The following GLT1D1 variants were observed in gnomAD, a reference collection of about 807,000 sequenced individuals.
The protein encoded by GLT1D1 is glycosyltransferase 1 domain containing 1.
GLT1D1 carries 21 observed loss-of-function variants against 28.7 expected under a neutral mutation model. That is an observed-to-expected ratio of 0.73 (90% confidence interval 0.52 to 1.05). The LOEUF (loss-of-function observed/expected upper bound fraction) is 1.05, where lower values mean the gene tolerates loss of function less well. Among genes scored for constraint, GLT1D1 ranks in the 50% least tolerant of loss-of-function variants. GLT1D1 has a pLI of 0.00. For missense variants in GLT1D1, 343 were observed against 330.6 expected (o/e 1.04, Z -0.29); for synonymous variants, 147 against 124.8 (o/e 1.18, Z -1.19).
intron 4 of GLT1D1, among the ~76,000 whole-genome samples, chr12:128,933,997 ATC>A (rs903029209): frequency 6.6e-6 from 1 of 152,042 alleles, no homozygotes; most frequent in African/African-American, 2.4e-5. Context: ...AACACCCTGA[ATC>A]TCACCACTAT....
intron 4 of GLT1D1, among the ~76,000 whole-genome samples, chr12:128,932,744 C>CA (rs1216916982): frequency 2.6e-5 from 4 of 152,098 alleles, no homozygotes; most frequent in African/African-American, 9.7e-5. Flanking sequence ...TCTTCAGCCT[C>CA]GGGGGGCCTT....
At position 128,961,899 on chromosome 12, in the gene GLT1D1, CT is replaced by C. The variant is rs111400462; in HGVS notation, c.639+4265del. On this transcript the variant is annotated intron_variant, in intron 7 of 7. Coordinates refer to ENST00000281703, the MANE Select transcript of GLT1D1 (RefSeq NM_144669.3). ...CCAACAAAAGGAACAGAAATGTGAC[CT>C]TTTTTTTTGAAACCATAACACTCAC... 4.0e-5 allele frequency among the ~76,000 whole-genome samples: 6 copies of C among 151,746 alleles called. No individual in the cohort carries two copies. The South Asian group carries it at 8.4e-4, about 21-fold the overall frequency.
At position 128,949,821 on chromosome 12, in the gene GLT1D1, CAT is replaced by C. The variant is rs552320277; in HGVS notation, c.540+2364_540+2365del. 1.3e-4 allele frequency among the ~76,000 whole-genome samples: 19 copies of C among 151,858 alleles called. No homozygotes were observed. In the South Asian group the frequency reaches 3.5e-3, roughly 28 times the overall value. Reference sequence around the variant, plus strand: ...ACCTACAGATGCATGCATGCACACACATGTACACACGCACATGCACACGCACG... The same window carrying C: ...ACCTACAGATGCATGCATGCACACACGTACACACGCACATGCACACGCACG... On this transcript the variant is annotated intron_variant, in intron 6 of 7. Transcript: ENST00000281703.
chr12:128,927,864 G>A (rs1369967804), intron 4 of GLT1D1, among the ~76,000 whole-genome samples: 4 of 151,278 alleles, frequency 2.6e-5, no homozygotes, highest in Admixed American at 1.3e-4. Context: ...GCTGGGCATC[G>A]TGGTGGGTGC....
chr12:128,915,556 G>A (rs1056045647), intron 4 of GLT1D1, among the ~76,000 whole-genome samples: 1 of 151,906 alleles, frequency 6.6e-6, no homozygotes, highest in African/African-American at 2.4e-5. Flanking sequence ...ATGGAGACGG[G>A]GTTTTGCCGT....
chr12:128,918,227 A>G (rs1872301908), intron 4 of GLT1D1, among the ~76,000 whole-genome samples: 1 of 152,206 alleles, frequency 6.6e-6, no homozygotes, highest in African/African-American at 2.4e-5. Flanking sequence ...CAAACACCGC[A>G]TGTTCTCAAC....
chr12:128,977,454 T>C (rs1438352673), intron 7 of GLT1D1, among the ~76,000 whole-genome samples: 1 of 152,138 alleles, frequency 6.6e-6, no homozygotes, highest in Admixed American at 6.5e-5. Context: ...TTTTGTTTAC[T>C]TTGCTGTATT....
At chr12:128,973,269 G>A (rs1183282862) in intron 7 of GLT1D1, among the ~76,000 whole-genome samples, 2 of 125,594 alleles carry the variant, frequency 1.6e-5, no homozygotes, top group Non-Finnish European at 3.2e-5. Context: ...TGTAACCTCC[G>A]CCTCCTGGGT....
chr12:128,862,998 G>T (rs780248009), intron 1 of GLT1D1, among the ~76,000 whole-genome samples: 1 of 152,190 alleles, frequency 6.6e-6, no homozygotes, highest in Non-Finnish European at 1.5e-5. Flanking sequence ...GTCCAAGGAA[G>T]AGCTTCCCTT....
chr12:128,859,098 C>T (rs1956297768), intron 1 of GLT1D1, among the ~76,000 whole-genome samples: 1 of 152,196 alleles, frequency 6.6e-6, no homozygotes, highest in African/African-American at 2.4e-5. Flanking sequence ...CCTCCTTGGG[C>T]ACATGTTCTC....
At chr12:128,921,085 C>T (rs1278225697) in intron 4 of GLT1D1, among the ~76,000 whole-genome samples, 2 of 152,134 alleles carry the variant, frequency 1.3e-5, no homozygotes, top group Non-Finnish European at 2.9e-5. Flanking sequence ...AGCCCTTGAA[C>T]ACTTGATCAG....
intron 4 of GLT1D1, among the ~76,000 whole-genome samples, chr12:128,901,646 A>G (rs1870283442): frequency 6.6e-6 from 1 of 151,422 alleles, no homozygotes; most frequent in Admixed American, 6.6e-5. Context: ...CATGTTGGCC[A>G]GGCTGGTCTC....
At chr12:128,890,466 A>G (rs1321799785) in intron 3 of GLT1D1, among the ~76,000 whole-genome samples, 2 of 152,206 alleles carry the variant, frequency 1.3e-5, no homozygotes, top group Non-Finnish European at 2.9e-5. Context: ...TGTCTAACGA[A>G]TAACAATAAT....
chr12:128,868,105 C>T (rs10847709), intron 1 of GLT1D1, among the ~76,000 whole-genome samples: 18,838 of 152,182 alleles, frequency 0.12, 1,243 homozygotes, highest in South Asian at 0.22. Flanking sequence ...GGCAGGGCCT[C>T]CTCAGGGTGG....
At chr12:128,949,735 T>C (rs1045410518) in intron 6 of GLT1D1, among the ~76,000 whole-genome samples, 5 of 152,116 alleles carry the variant, frequency 3.3e-5, no homozygotes, top group African/African-American at 4.8e-5. Flanking sequence ...CCAGCCATCA[T>C]GATTAGGCTC....
At chr12:128,899,157 T>G (rs184048904) in intron 3 of GLT1D1, 79 bp from the exon 4 acceptor site, 2 of 1,028,284 alleles carry the variant, frequency 1.9e-6, no homozygotes, top group Non-Finnish European at 3.1e-6. Context: ...CTCTCATAAT[T>G]TGTTCCAAAG....
At chr12:128,905,402 C>T (rs1209818639) in intron 4 of GLT1D1, among the ~76,000 whole-genome samples, 2 of 152,182 alleles carry the variant, frequency 1.3e-5, no homozygotes, top group African/African-American at 2.4e-5. Context: ...CTTACTCACA[C>T]GATATCTGAT....
At position 128,902,486 on chromosome 12, in the gene GLT1D1, C is replaced by CAAA. The variant is rs34061462; in HGVS notation, c.375+3211_375+3213dup. On this transcript the variant is annotated intron_variant, in intron 4 of 7. Transcript: ENST00000281703. ...GGCAAGAAGAGCAAAAATTCTGTCT[C>CAAA]AAAAAAAAAAAAAAGAAAGAAAAAA... 5.4e-4 allele frequency among the ~76,000 whole-genome samples: 71 copies of CAAA among 131,388 alleles called. 1 individual carries two copies. The highest frequency in any genetic ancestry group is 2.0e-3 in the African/African-American group (67 of 34,012). 86.2% of individuals were successfully genotyped at this position (131,388 alleles called of 152,430 possible).
chr12:128,903,227 C>T (rs1870485355), intron 4 of GLT1D1, among the ~76,000 whole-genome samples: 1 of 151,610 alleles, frequency 6.6e-6, no homozygotes, highest in African/African-American at 2.4e-5. Context: ...CTTAAACACG[C>T]AGGGTGGCCT....
Sources: gnomAD v4.1 joint callset for allele counts (sites outside exome capture counted in the v4.1 genomes callset) on GRCh38, gnomAD v4.1.1 for gene constraint, MANE v1.5 for transcripts, NCBI Gene and HGNC (gene_info 2026-07-23, HGNC 2026-07-21) for gene names.